Variants in PCDH15 observed in about 807,000 individuals in gnomAD.
PCDH15 encodes protocadherin related 15.
PCDH15 carries 129 observed loss-of-function variants against 178.5 expected under a neutral mutation model. The observed-to-expected ratio is 0.72, with a 90% CI of 0.63 to 0.84. The LOEUF (loss-of-function observed/expected upper bound fraction) is 0.84. PCDH15 is among the 40% of genes least tolerant of loss of function. The pLI, the probability that PCDH15 is intolerant of heterozygous loss-of-function variation, is 0.00. For synonymous variants in PCDH15, 800 were observed against 732.0 expected, an observed-to-expected ratio of 1.09 and a Z score of -1.50; for missense variants, 2,230 against 2,099.9, an observed-to-expected ratio of 1.06 and a Z score of -1.21.
chr10:55,350,268 T>TATATATAC (rs1327352441), intron 2 of PCDH15, among the ~76,000 whole-genome samples: 88 of 56,672 alleles, frequency 1.6e-3, no homozygotes, highest in Non-Finnish European at 2.1e-3. Flanking sequence ...TATATATATA[T>TATATATAC]ACACACACAC....
chr10:53,834,834 TTGA>T (rs1039519597), intron 29 of PCDH15, among the ~76,000 whole-genome samples: 1 of 152,168 alleles, frequency 6.6e-6, no homozygotes, highest in Non-Finnish European at 1.5e-5. Flanking sequence ...ACTGATTACC[TTGA>T]TGATGATGAT....
chr10:54,599,990 CA>C, intron 2 of PCDH15: 1 of 1,317,662 alleles, frequency 7.6e-7, no homozygotes, highest in African/African-American at 1.5e-5. Context: ...TCTACTGTGC[CA>C]AAATCACCAA....
Position 54,032,587 on chromosome 10 carries a change from G to T in PCDH15, c.2221-9390C>A, listed in dbSNP as rs184697848. Among the ~76,000 whole-genome samples the T allele has an allele frequency of 1.4e-3, 211 of 152,068 alleles. 1 individual carries two copies. The highest frequency in any genetic ancestry group is 5.1e-3 in the African/African-American group (210 of 41,528). On this transcript the variant is annotated intron_variant, in intron 18 of 37. Transcript: ENST00000644397. ...TAGTATTTATAATTTTGTCTTAAAA[G>T]AAGGTATGTTTTCTGTTTATTAGAA...
intron 3 of PCDH15, among the ~76,000 whole-genome samples, chr10:54,839,979 CA>C (rs201039716): frequency 1.3e-5 from 2 of 151,282 alleles, no homozygotes; most frequent in East Asian, 1.9e-4. Context: ...ATCAAACAAA[CA>C]AAAAAAACAC....
chr10:54,394,599 G>A (rs1486957787), intron 3 of PCDH15, among the ~76,000 whole-genome samples: 1 of 152,154 alleles, frequency 6.6e-6, no homozygotes, highest in African/African-American at 2.4e-5. Context: ...CAGGACCGAG[G>A]TGAAATTAAA....
At chr10:54,147,016 T>TGTATATATATAGTGTATATATAAC (rs1564531151) in intron 14 of PCDH15, among the ~76,000 whole-genome samples, 34 of 79,218 alleles carry the variant, frequency 4.3e-4, no homozygotes, top group East Asian at 3.6e-3. Context: ...GTATATATAA[T>TGTATATATATAGTGTATATATAAC]GTGTATATAT....
intron 2 of PCDH15, among the ~76,000 whole-genome samples, chr10:55,554,428 C>T (rs1564451279): frequency 6.6e-6 from 1 of 151,976 alleles, no homozygotes; most frequent in Admixed American, 6.6e-5. Flanking sequence ...CACTCAGTTT[C>T]CCCTGTCATT....
At chr10:53,922,460 T>A (rs764593364) in intron 25 of PCDH15, among the ~76,000 whole-genome samples, 12 of 152,226 alleles carry the variant, frequency 7.9e-5, no homozygotes, top group Non-Finnish European at 1.6e-4. Context: ...GAGAAGTTTG[T>A]AAAGATCAGA....
intron 2 of PCDH15, among the ~76,000 whole-genome samples, chr10:55,335,132 A>G (rs1194388900): frequency 6.6e-6 from 1 of 152,190 alleles, no homozygotes; most frequent in Non-Finnish European, 1.5e-5. Flanking sequence ...ATTCCCAAGA[A>G]TAAGGACAAA....
intron 2 of PCDH15, among the ~76,000 whole-genome samples, chr10:55,614,270 C>T (rs1310320107): frequency 2.0e-5 from 3 of 152,066 alleles, no homozygotes; most frequent in South Asian, 4.1e-4. Flanking sequence ...CAGAGATGTT[C>T]GTTTTCTTAT....
At chr10:55,242,234 AT>A (rs1841562865) in intron 1 of PCDH15, among the ~76,000 whole-genome samples, 1 of 152,140 alleles carries the variant, frequency 6.6e-6, no homozygotes, top group Admixed American at 6.5e-5. Flanking sequence ...AGCTGCAAGC[AT>A]ATATCAGCTT....
At chr10:53,972,452 C>G (rs1480788479) in intron 21 of PCDH15, among the ~76,000 whole-genome samples, 13 of 152,136 alleles carry the variant, frequency 8.5e-5, no homozygotes, top group Admixed American at 7.9e-4. Context: ...TCTAATTAAA[C>G]TAAAGAGCTT....
chr10:55,215,088 A>G (rs1353346233), intron 1 of PCDH15, among the ~76,000 whole-genome samples: 1 of 152,036 alleles, frequency 6.6e-6, no homozygotes, highest in Non-Finnish European at 1.5e-5. Context: ...GAAGTTGAAA[A>G]ATATATTAAA....
At chr10:55,096,091 A>C (rs897826965) in intron 2 of PCDH15, among the ~76,000 whole-genome samples, 1 of 152,098 alleles carries the variant, frequency 6.6e-6, no homozygotes, top group Admixed American at 6.6e-5. Flanking sequence ...GGAAACAAAA[A>C]CAAAAACAAA....
intron 2 of PCDH15, among the ~76,000 whole-genome samples, chr10:55,534,564 A>G (rs923971577): frequency 6.6e-5 from 10 of 152,110 alleles, no homozygotes; most frequent in Admixed American, 1.3e-4. Flanking sequence ...AAAAGTTAAG[A>G]AGAAACAGAT....
At chr10:54,613,504 T>TACACAC (rs367744959) in intron 2 of PCDH15, among the ~76,000 whole-genome samples, 91 of 148,496 alleles carry the variant, frequency 6.1e-4, no homozygotes, top group African/African-American at 2.1e-3. Flanking sequence ...CACACACACA[T>TACACAC]ACACACACAC....
chr10:55,350,246 TATATATATATATATATATATATACACAC>T (rs1238738597), intron 2 of PCDH15, among the ~76,000 whole-genome samples: 3 of 62,314 alleles, frequency 4.8e-5, no homozygotes, highest in African/African-American at 2.3e-4. Flanking sequence ...TATATATATA[TATATATATATATATATATATATACACAC>T]ACACACACAC....
chr10:55,255,673 T>C (rs1841977550), intron 1 of PCDH15, among the ~76,000 whole-genome samples: 1 of 152,128 alleles, frequency 6.6e-6, no homozygotes, highest in Non-Finnish European at 1.5e-5. Context: ...TATCTCATTG[T>C]GGTTTTGATT....
intron 3 of PCDH15, among the ~76,000 whole-genome samples, chr10:54,820,555 C>T (rs1364943069): frequency 6.6e-6 from 1 of 151,956 alleles, no homozygotes; most frequent in Non-Finnish European, 1.5e-5. Context: ...GCCTTATTGA[C>T]TTTATAAGCT....
Sources: allele counts gnomAD v4.1 joint callset (sites outside exome capture counted in the v4.1 genomes callset), GRCh38; gene constraint gnomAD v4.1.1; transcripts MANE v1.5; gene names NCBI Gene and HGNC (gene_info 2026-07-23, HGNC 2026-07-21).